Variants in OVCH1 observed in about 807,000 individuals in gnomAD.
OVCH1 encodes ovochymase-1.
A neutral mutation model predicts 138.4 loss-of-function variants in OVCH1; 139 were observed. The ratio of observed to expected loss-of-function variants is 1.00; its 90% CI spans 0.87 to 1.16. The LOEUF (loss-of-function observed/expected upper bound fraction) is 1.16. Ranked by LOEUF, OVCH1 falls within the 50% of genes most tolerant of loss-of-function variation. The pLI is 0.00. For missense variants in OVCH1, 1,367 were observed against 1,357.9 expected (o/e 1.01, Z -0.11); for synonymous variants, 453 against 467.8 (o/e 0.97, Z 0.41).
At chr12:29,433,626 C>A in intron 27 of OVCH1, 1 of 1,046,644 alleles carries the variant, frequency 9.6e-7, no homozygotes, top group South Asian at 1.7e-5. Context: ...GTTCATTGCT[C>A]AATCTTCATT....
chr12:29,418,596 C>T (rs1941062015), intron 3 of OVCH1, among the ~76,000 whole-genome samples: 1 of 152,146 alleles, frequency 6.6e-6, no homozygotes, highest in African/African-American at 2.4e-5. Flanking sequence ...AAGAGTTACC[C>T]ATACAGACCA....
At chr12:29,487,422 C>A in intron 7 of OVCH1, 1 of 300,800 alleles carries the variant, frequency 3.3e-6, no homozygotes, top group Non-Finnish European at 6.0e-6. Flanking sequence ...GAAAGAATCC[C>A]CTGATGAGTC....
At chr12:29,405,412 GCTTTGCCAAGAGGTAC>G in the OVCH1 span, among the ~76,000 whole-genome samples, 1 of 152,292 alleles carries the variant, frequency 6.6e-6, no homozygotes, top group Non-Finnish European at 1.5e-5. Context: ...TACCCTGGTA[GCTTTGCCAAGAGGTAC>G]CTTTGCCTGT....
chr12:29,425,018 C>A (rs938425009), downstream of OVCH1, among the ~76,000 whole-genome samples: 1 of 152,044 alleles, frequency 6.6e-6, no homozygotes, highest in Non-Finnish European at 1.5e-5. Context: ...TTTAAAAGAG[C>A]TAATTAGATG....
At chr12:29,444,244 C>A in exon 24 of OVCH1, 1 of 1,612,322 alleles carries the variant, frequency 6.2e-7, no homozygotes, top group Non-Finnish European at 8.5e-7. Context: ...TCTGTTTGAA[C>A]TTTGGGAAAG....
chr12:29,407,920 T>C (rs1175644431), downstream of OVCH1, among the ~76,000 whole-genome samples: 3 of 149,248 alleles, frequency 2.0e-5, no homozygotes, highest in Non-Finnish European at 3.0e-5. Flanking sequence ...TTCAAGATAT[T>C]GATTCTTCCT....
At chr12:29,430,815 G>T (rs925041376) in intron 27 of OVCH1, 8 of 483,034 alleles carry the variant, frequency 1.7e-5, no homozygotes, top group Non-Finnish European at 3.3e-5. Context: ...ACCCTCCCTT[G>T]AGTTCTGGCC....
intron 3 of OVCH1, among the ~76,000 whole-genome samples, chr12:29,418,814 G>T (rs1434351119): frequency 6.6e-6 from 1 of 152,134 alleles, no homozygotes; most frequent in Non-Finnish European, 1.5e-5. Context: ...TGAGGTCATA[G>T]TCATTTTTCA....
At chr12:29,481,801 A>G (rs113089564) in intron 8 of OVCH1, among the ~76,000 whole-genome samples, 1 of 152,314 alleles carries the variant, frequency 6.6e-6, no homozygotes, top group African/African-American at 2.4e-5. Flanking sequence ...CATCTCAGAC[A>G]ACAGTTCTAT....
At chr12:29,419,436 C>T (rs551334363) in intron 3 of OVCH1, among the ~76,000 whole-genome samples, 11 of 140,070 alleles carry the variant, frequency 7.9e-5, no homozygotes, top group African/African-American at 1.3e-4. Flanking sequence ...TACAGGTGCC[C>T]GCCACCATGC....
chr12:29,496,104 G>A lies in OVCH1; in HGVS notation c.281+77C>T, dbSNP rs1317135833. ...TAAGAAAGGGACTGAGAATGAACCT[G>A]CTATTTAGAGCAACAAATCTGCCAG... On this transcript the variant is annotated intron_variant, in intron 3 of 27. Coordinates refer to ENST00000318184, the Ensembl canonical transcript of OVCH1. The A allele has an allele frequency of 3.8e-6, 5 of 1,310,252 alleles. No individual in the cohort carries two copies. The South Asian group carries it at 5.2e-5, about 14-fold the overall frequency. The allele number at this position is 1,310,252 out of a possible 1,614,324, so 81.2% of individuals were successfully genotyped here.
chr12:29,424,281 T>C (rs184371483), downstream of OVCH1, among the ~76,000 whole-genome samples: 28 of 152,324 alleles, frequency 1.8e-4, no homozygotes, highest in Admixed American at 2.6e-4. Flanking sequence ...TGCTATTGTT[T>C]GTGGTTTAAG....
chr12:29,417,193 A>G (rs1941040629), intron 3 of OVCH1, among the ~76,000 whole-genome samples: 1 of 152,040 alleles, frequency 6.6e-6, no homozygotes, highest in Non-Finnish European at 1.5e-5. Flanking sequence ...GGGTTTTGCT[A>G]TAAAAGAGCA....
chr12:29,473,607 T>C (rs1209809642), intron 14 of OVCH1, among the ~76,000 whole-genome samples: 2 of 152,058 alleles, frequency 1.3e-5, no homozygotes, highest in Non-Finnish European at 2.9e-5. Context: ...GTCAATACAG[T>C]CTTGTTCTTA....
chr12:29,464,010 G>A (rs948805076), intron 18 of OVCH1, among the ~76,000 whole-genome samples: 2 of 152,140 alleles, frequency 1.3e-5, no homozygotes, highest in Admixed American at 6.6e-5. Context: ...GATAAATTCT[G>A]TGCCACCCCC....
chr12:29,421,490 T>C (rs1214751880), intron 3 of OVCH1, among the ~76,000 whole-genome samples: 3 of 152,142 alleles, frequency 2.0e-5, no homozygotes, highest in Non-Finnish European at 4.4e-5. Context: ...AATATATGCA[T>C]CTTTAGGATA....
the OVCH1 span, among the ~76,000 whole-genome samples, chr12:29,402,336 A>G: frequency 6.6e-6 from 1 of 152,240 alleles, no homozygotes; most frequent in African/African-American, 2.4e-5. Flanking sequence ...ATCCAAAAGT[A>G]TAACTTAATG....
chr12:29,452,825 G>A (rs2135947098), intron 21 of OVCH1, among the ~76,000 whole-genome samples: 1 of 152,248 alleles, frequency 6.6e-6, no homozygotes, highest in African/African-American at 2.4e-5. Flanking sequence ...GCGGGAGTGG[G>A]TGGGTGTTAA....
chr12:29,476,755 G>GCGCGCGCA (rs1264497944), intron 12 of OVCH1, among the ~76,000 whole-genome samples: 1 of 103,342 alleles, frequency 9.7e-6, no homozygotes, highest in African/African-American at 3.8e-5. Context: ...ACACACGCGC[G>GCGCGCGCA]CACACACACA....
Sources: gnomAD v4.1 joint callset for allele counts (sites outside exome capture counted in the v4.1 genomes callset) on GRCh38, gnomAD v4.1.1 for gene constraint, MANE v1.5 for transcripts, NCBI Gene and HGNC (gene_info 2026-07-23, HGNC 2026-07-21) for gene names.